Variants in PRDM11 observed in about 807,000 individuals in gnomAD.
PRDM11 encodes the protein PR domain-containing protein 11.
PRDM11 carries 20 observed loss-of-function variants against 97.8 expected under a neutral mutation model. The observed-to-expected ratio is 0.20, with a 90% CI of 0.14 to 0.30. The LOEUF (loss-of-function observed/expected upper bound fraction) is 0.30. PRDM11 is among the 10% of genes least tolerant of loss of function. The pLI, the probability that PRDM11 is intolerant of heterozygous loss-of-function variation, is 1.00. For synonymous variants in PRDM11, 599 were observed against 637.7 expected (o/e 0.94, Z 0.91); for missense variants, 1,139 against 1,555.2 (o/e 0.73, Z 4.50).
intron 1 of PRDM11, among the ~76,000 whole-genome samples, chr11:45,174,376 G>T (rs1852278209): frequency 6.6e-6 from 1 of 152,200 alleles, no homozygotes; most frequent in Non-Finnish European, 1.5e-5. Context: ...TGCTTATCAT[G>T]CACCCTGTGT....
At chr11:45,144,681 C>T (rs1476162564), upstream of PRDM11, among the ~76,000 whole-genome samples, 4 of 152,220 alleles carry the variant, frequency 2.6e-5, no homozygotes, top group African/African-American at 9.6e-5. Flanking sequence ...GGTACGTTGA[C>T]GCCTCGAGGT....
chr11:45,101,314 T>C (rs1399528218), intron 1 of PRDM11, among the ~76,000 whole-genome samples: 1 of 152,028 alleles, frequency 6.6e-6, no homozygotes, highest in Non-Finnish European at 1.5e-5. Context: ...TCCCAACACT[T>C]TGGGAGGCCG....
intron 1 of PRDM11, among the ~76,000 whole-genome samples, chr11:45,101,185 A>G (rs1187544182): frequency 6.6e-6 from 1 of 152,144 alleles, no homozygotes; most frequent in East Asian, 1.9e-4. Context: ...GAGAACTTCC[A>G]GTTAGGGAGG....
In PRDM11 at chr11:45,102,467, T is replaced by C. The variant is rs183810626; in HGVS notation, c.96+6566T>C. 3.0e-3 allele frequency among the ~76,000 whole-genome samples: 464 copies of C among 152,282 alleles called. 5 individuals carry two copies. Among genetic ancestry groups the C allele is most frequent in the African/African-American group, 0.011 (447 of 41,564 alleles). ...CTTGCAGCACTCCCTGGGGCCGGCATGAGGGGAAGCACCCCAGCTGGGGCC... is the reference window on the plus strand; with the variant it reads ...CTTGCAGCACTCCCTGGGGCCGGCACGAGGGGAAGCACCCCAGCTGGGGCC... On this transcript the variant is annotated intron_variant, in intron 1 of 6. Coordinates refer to the PRDM11 transcript ENST00000530656.
At chr11:45,124,693 T>A (rs1427433153) in intron 1 of PRDM11, among the ~76,000 whole-genome samples, 1 of 152,214 alleles carries the variant, frequency 6.6e-6, no homozygotes, top group Non-Finnish European at 1.5e-5. Flanking sequence ...TGAAGCCCAC[T>A]TGATCATGGT....
At chr11:45,182,161 G>A in intron 2 of PRDM11, 85 bp from the exon 3 acceptor site, 1 of 1,222,500 alleles carries the variant, frequency 8.2e-7, no homozygotes, top group South Asian at 1.3e-5. Context: ...TCGGTCTCCT[G>A]GCCAGGTCCC....
Position 45,182,906 on chromosome 11 carries a change from A to G in PRDM11, c.269A>G (p.His90Arg). The G allele has an allele frequency of 6.2e-7, 1 of 1,610,938 alleles. No individual in the cohort carries two copies. Among genetic ancestry groups the G allele is most frequent in the Non-Finnish European group, 8.5e-7 (1 of 1,178,188 alleles). Residue 90 changes from histidine to arginine, a missense_variant, in exon 4 of 8, where the codon CAT becomes CGT. His to Arg is a conservative substitution (Grantham distance 29). Coordinates refer to ENST00000683152, the MANE Select transcript of PRDM11 (RefSeq NM_001384648.1). Reference protein sequence around the residue: ...QEYFVDECPNHGPPVFVSDTP... With the variant: ...QEYFVDECPNRGPPVFVSDTP... ...TACTTCGTGGATGAATGCCCAAACC[A>G]TGGCCCCCCGGTGTTTGTGTCTGAC...
chr11:45,211,974 G>T (rs1018710507), intron 5 of PRDM11, among the ~76,000 whole-genome samples: 1 of 152,204 alleles, frequency 6.6e-6, no homozygotes, highest in Non-Finnish European at 1.5e-5. Flanking sequence ...TGCTCAGAGG[G>T]CCAAGAGCGT....
Position 45,228,148 on chromosome 11 carries a change from C to G in PRDM11, c.3523C>G (p.Pro1175Ala), listed in dbSNP as rs1253920687. The part of the protein sequence containing the change: ...QTMDHGTEFY[P>A]DI ...CATGGACCACGGGACGGAGTTTTACCCCGACATTTAGGGAGCTGGCGCTGC... is the reference window on the plus strand; with the variant it reads ...CATGGACCACGGGACGGAGTTTTACGCCGACATTTAGGGAGCTGGCGCTGC... The change falls in exon 8 of 8, where the codon CCC (proline) becomes GCC (alanine). Residue 1175 changes from proline (P) to alanine (A), a missense_variant. By Grantham distance (27) the Pro-to-Ala change is conservative (BLOSUM62 -1). Transcript: ENST00000683152. The G allele has an allele frequency of 3.9e-6, 6 of 1,521,098 alleles. No individual in the cohort carries two copies. Among genetic ancestry groups the G allele is most frequent in the Non-Finnish European group, 5.3e-6 (6 of 1,138,038 alleles). The allele number at this position is 1,521,098 out of a possible 1,614,324, so 94.2% of individuals were successfully genotyped here.
At chr11:45,161,899 G>A (rs1459855392) in intron 1 of PRDM11, among the ~76,000 whole-genome samples, 3 of 152,220 alleles carry the variant, frequency 2.0e-5, no homozygotes, top group African/African-American at 4.8e-5. Flanking sequence ...GAGGTCATGC[G>A]ACTCTCCCAA....
chr11:45,204,885 G>T, intron 5 of PRDM11, 107 bp downstream of exon 5: 1 of 1,205,488 alleles, frequency 8.3e-7, no homozygotes, highest in Non-Finnish European at 1.2e-6. Flanking sequence ...ACTTCTGGAG[G>T]CTGCCGTTTG....
intron 1 of PRDM11, among the ~76,000 whole-genome samples, chr11:45,179,793 G>A (rs562940799): frequency 5.3e-5 from 8 of 152,366 alleles, no homozygotes; most frequent in African/African-American, 1.9e-4. Flanking sequence ...ACCTGCCCAG[G>A]ATCACACCGC....
intron 1 of PRDM11, among the ~76,000 whole-genome samples, chr11:45,172,095 A>G (rs1246945608): frequency 6.6e-6 from 1 of 152,232 alleles, no homozygotes; most frequent in African/African-American, 2.4e-5. Context: ...TCACTTGAAT[A>G]ACTCACAAAG....
chr11:45,207,933 T>G (rs1853574376), intron 5 of PRDM11, among the ~76,000 whole-genome samples: 1 of 152,156 alleles, frequency 6.6e-6, no homozygotes, highest in Admixed American at 6.5e-5. Context: ...CTTGGGTGGA[T>G]TTTTTCACCT....
chr11:45,126,735 G>A (rs1438131843), intron 1 of PRDM11, among the ~76,000 whole-genome samples: 1 of 152,144 alleles, frequency 6.6e-6, no homozygotes, highest in African/African-American at 2.4e-5. Flanking sequence ...TCCCTTTGTG[G>A]GTAACCCGAC....
rs377320246 is a variant in PRDM11, at chr11:45,169,702, A to G, written c.-6-12059A>G. Among the ~76,000 whole-genome samples, 135 of 141,586 alleles carry G rather than the reference A, an allele frequency of 9.5e-4. 2 individuals are homozygous for G. The highest frequency in any genetic ancestry group is 3.3e-3 in the African/African-American group (126 of 37,788). 92.9% of individuals were successfully genotyped at this position (141,586 alleles called of 152,430 possible). On this transcript the variant is annotated intron_variant, in intron 1 of 7. Transcript: ENST00000683152. ...AATGGGTTTTGATATCCCCAGGCCC[A>G]GAGAAGTTAAGGAACTCCCCCAGTG... is the stretch of plus-strand genomic sequence containing the variant.
At chr11:45,213,872 G>A (rs1853870573) in intron 5 of PRDM11, 2 of 390,832 alleles carry the variant, frequency 5.1e-6, no homozygotes, top group African/African-American at 4.2e-5. Flanking sequence ...CTGGAGTAGT[G>A]GGAAGAGGAG....
At position 45,183,040 on chromosome 11, in the gene PRDM11, G is replaced by A; in HGVS notation, c.403G>A (p.Val135Ile). The A allele has an allele frequency of 1.9e-6, 3 of 1,614,144 alleles. No homozygotes were observed. Among genetic ancestry groups the A allele is most frequent in the East Asian group, 2.2e-5 (1 of 44,868 alleles). ...GAGTGACGTGCGATGTGTAAACGAG[G>A]TCATCCCCAAGGGCCACATCTTCGG... ...GESDVRCVNE[V>I]IPKGHIFGPY... The change falls in exon 4 of 8, where the codon GTC becomes ATC. Residue 135 changes from valine to isoleucine, a missense_variant. Around this residue, in one of 2 missense-constraint regions of PRDM11, gnomAD observed 429 missense variants for 510.3 expected, o/e 0.84. Transcript: ENST00000683152.
At chr11:45,128,133 G>A (rs58195346) in intron 1 of PRDM11, among the ~76,000 whole-genome samples, 48,308 of 152,146 alleles carry the variant, frequency 0.32, 8,428 homozygotes, top group African/African-American at 0.43. Flanking sequence ...CTCTGTGGGC[G>A]TAGGACCCTC....
Sources: allele counts gnomAD v4.1 joint callset (sites outside exome capture counted in the v4.1 genomes callset), GRCh38; gene constraint gnomAD v4.1.1; regional missense constraint gnomAD v4.1.1; transcripts MANE v1.5; gene names NCBI Gene and HGNC (gene_info 2026-07-23, HGNC 2026-07-21).